Variants in TP63 observed in about 807,000 individuals in gnomAD.
TP63 encodes the protein tumor protein p63, also known as tumor protein 63.
A neutral mutation model predicts 82.8 loss-of-function variants in TP63; 17 were observed. The ratio of observed to expected loss-of-function variants is 0.21; its 90% CI spans 0.14 to 0.31. TP63 has a LOEUF of 0.31. TP63 is among the 10% of genes least tolerant of loss of function. TP63 has a pLI of 1.00. For missense variants in TP63, 648 were observed against 895.3 expected (o/e 0.72, Z 3.52); for synonymous variants, 330 against 321.7 (o/e 1.03, Z -0.28).
intron 3 of TP63, among the ~76,000 whole-genome samples, chr3:189,752,759 G>C (rs1721915441): frequency 6.6e-6 from 1 of 151,758 alleles, no homozygotes; most frequent in African/African-American, 2.4e-5. Flanking sequence ...TTATTGAGTT[G>C]AGATATCTTT....
chr3:189,741,203 G>GA (rs1553825742), intron 3 of TP63, among the ~76,000 whole-genome samples: 9,983 of 122,378 alleles, frequency 0.082, 465 homozygotes, highest in East Asian at 0.3. Flanking sequence ...TCTGTCTGTG[G>GA]AAAAAAAAAA....
At chr3:189,651,772 C>T (rs1203314236) in intron 1 of TP63, among the ~76,000 whole-genome samples, 1 of 146,482 alleles carries the variant, frequency 6.8e-6, no homozygotes, top group African/African-American at 2.6e-5. Context: ...GAGTCCAGGG[C>T]CCCCTGCTCT....
chr3:189,768,562 A>C (rs1251566505), intron 3 of TP63, among the ~76,000 whole-genome samples: 1 of 152,182 alleles, frequency 6.6e-6, no homozygotes, highest in Admixed American at 6.5e-5. Context: ...AAAATATTTT[A>C]AAGTCAACAC....
intron 1 of TP63, among the ~76,000 whole-genome samples, chr3:189,689,098 C>CTT (rs1383931117): frequency 0.045 from 3,867 of 85,108 alleles, 1,276 homozygotes; most frequent in East Asian, 0.083. Context: ...TCAAATCTAC[C>CTT]TTTTTCTTTT....
At chr3:189,691,338 C>CAAAAAAAAAAAAAAAAAA (rs781098833) in intron 1 of TP63, among the ~76,000 whole-genome samples, 21 of 67,096 alleles carry the variant, frequency 3.1e-4, no homozygotes, top group East Asian at 4.8e-4. Flanking sequence ...GACTCCATCT[C>CAAAAAAAAAAAAAAAAAA]AAAAAAAAAA....
intron 3 of TP63, among the ~76,000 whole-genome samples, chr3:189,771,940 G>A (rs1269154085): frequency 2.0e-5 from 3 of 151,044 alleles, no homozygotes; most frequent in African/African-American, 4.9e-5. Flanking sequence ...GGATTCGATA[G>A]CATTTCGGAA....
chr3:189,687,561 A>G (rs886829090), intron 1 of TP63, among the ~76,000 whole-genome samples: 1 of 152,210 alleles, frequency 6.6e-6, no homozygotes, highest in Non-Finnish European at 1.5e-5. Context: ...AGAATTGCAA[A>G]TAAAAATGAA....
At chr3:189,615,758 C>G in the TP63 span, among the ~76,000 whole-genome samples, 3 of 152,198 alleles carry the variant, frequency 2.0e-5, no homozygotes, top group Non-Finnish European at 4.4e-5. Flanking sequence ...TCTCCTTCCT[C>G]ATGAAGTAGA....
intron 1 of TP63, among the ~76,000 whole-genome samples, chr3:189,707,753 A>G (rs1718306994): frequency 6.6e-6 from 1 of 152,196 alleles, no homozygotes; most frequent in African/African-American, 2.4e-5. Context: ...TTAAACATCA[A>G]TAAGGCAAAT....
intron 10 of TP63, among the ~76,000 whole-genome samples, chr3:189,884,473 T>C (rs1720235818): frequency 6.6e-6 from 1 of 152,224 alleles, no homozygotes; most frequent in African/African-American, 2.4e-5. Flanking sequence ...CTTGGGCATA[T>C]GTTTTTTCTT....
intron 1 of TP63, among the ~76,000 whole-genome samples, chr3:189,694,846 C>G (rs1356102765): frequency 1.0e-5 from 1 of 97,534 alleles, no homozygotes; most frequent in Non-Finnish European, 1.9e-5. Flanking sequence ...CGCTCTGTCT[C>G]CTAGCCTGGA....
intron 1 of TP63, among the ~76,000 whole-genome samples, chr3:189,633,967 C>T (rs967199459): frequency 1.2e-4 from 18 of 152,028 alleles, no homozygotes; most frequent in African/African-American, 4.1e-4. Context: ...GTTTTAAGGA[C>T]TGAATTATTA....
chr3:189,733,501 C>T (rs4607088), intron 1 of TP63, among the ~76,000 whole-genome samples: 64,741 of 151,958 alleles, frequency 0.43, 14,128 homozygotes, highest in African/African-American at 0.53. Context: ...ACCTGGCTTT[C>T]GAGCTATCAG....
At chr3:189,663,182 T>C (rs1234588416) in intron 1 of TP63, among the ~76,000 whole-genome samples, 2 of 152,128 alleles carry the variant, frequency 1.3e-5, no homozygotes, top group African/African-American at 4.8e-5. Context: ...CTGACTACTG[T>C]TGACAAATAT....
intron 1 of TP63, among the ~76,000 whole-genome samples, chr3:189,694,492 C>T (rs931725715): frequency 6.6e-6 from 1 of 152,074 alleles, no homozygotes; most frequent in African/African-American, 2.4e-5. Flanking sequence ...GTTTTGGTAA[C>T]CTTGACTGTC....
chr3:189,695,872 G>A (rs1014829188), intron 1 of TP63, among the ~76,000 whole-genome samples: 27 of 152,020 alleles, frequency 1.8e-4, no homozygotes, highest in Admixed American at 2.6e-4. Context: ...CTTATATATC[G>A]TTCATTCGGT....
intron 4 of TP63, among the ~76,000 whole-genome samples, chr3:189,855,956 A>C (rs960590429): frequency 7.9e-5 from 12 of 152,162 alleles, no homozygotes; most frequent in Non-Finnish European, 1.8e-4. Flanking sequence ...AAGGTACTTT[A>C]TACCTTCACA....
At chr3:189,778,596 A>G (rs531266450) in intron 3 of TP63, among the ~76,000 whole-genome samples, 2 of 152,356 alleles carry the variant, frequency 1.3e-5, no homozygotes, top group East Asian at 1.9e-4. Flanking sequence ...GCTATTGATC[A>G]TGACCAAGAA....
In TP63 at chr3:189,868,648, C is replaced by T; in HGVS notation, c.1061C>T (p.Ala354Val). 2 of 1,614,090 alleles carry T rather than the reference C, an allele frequency of 1.2e-6. No individual in the cohort carries two copies. Among genetic ancestry groups the T allele is most frequent in the Non-Finnish European group, 8.5e-7 (1 of 1,179,994 alleles). The change falls in exon 8 of 14, where the codon GCG becomes GTG. Residue 354 changes from alanine (A) to valine (V), a missense_variant. Physicochemically the swap from Ala to Val is moderately conservative, Grantham distance 64. This residue lies in a region of TP63 where 30 missense variants were observed against 85.4 expected (regional missense o/e 0.35). Coordinates refer to ENST00000264731, the MANE Select transcript of TP63 (RefSeq NM_003722.5). ...ICACPGRDRK[A>V]DEDSIRKQQV... ...GCTTGCCCAGGAAGAGACAGGAAGGCGGATGAAGATAGCATCAGAAAGCAG... is the reference window on the plus strand; with the variant it reads ...GCTTGCCCAGGAAGAGACAGGAAGGTGGATGAAGATAGCATCAGAAAGCAG...
Sources: gnomAD v4.1 joint callset for allele counts (sites outside exome capture counted in the v4.1 genomes callset) on GRCh38, gnomAD v4.1.1 for gene constraint, gnomAD v4.1.1 regional missense constraint, MANE v1.5 for transcripts, NCBI Gene and HGNC (gene_info 2026-07-23, HGNC 2026-07-21) for gene names.